Variants in USP48 observed in about 807,000 individuals in gnomAD.
USP48 encodes the protein ubiquitin carboxyl-terminal hydrolase 48.
USP48 carries 43 observed loss-of-function variants against 150.7 expected under a neutral mutation model. The observed-to-expected ratio is 0.29, with a 90% CI of 0.22 to 0.37. USP48 has a LOEUF of 0.37. USP48 is among the 10% of genes least tolerant of loss of function. USP48 has a pLI of 1.00. For missense variants in USP48, 813 were observed against 1,249.6 expected (o/e 0.65, Z 5.27); for synonymous variants, 396 against 425.9 (o/e 0.93, Z 0.86).
At chr1:21,683,224 C>T (rs975366138) in intron 25 of USP48, among the ~76,000 whole-genome samples, 128 of 152,144 alleles carry the variant, frequency 8.4e-4, no homozygotes, top group African/African-American at 2.9e-3. Context: ...TACTGCACTT[C>T]AGCCTTTTGA....
chr1:21,690,129 T>C (rs762171255), intron 23 of USP48, 30 bp from the exon 24 acceptor site: 4 of 1,598,526 alleles, frequency 2.5e-6, no homozygotes, highest in Non-Finnish European at 3.4e-6. Context: ...AGAAAGTCCG[T>C]ATAATGCAAA....
At chr1:21,693,408 G>A (rs2152502951) in intron 23 of USP48, among the ~76,000 whole-genome samples, 1 of 152,242 alleles carries the variant, frequency 6.6e-6, no homozygotes, top group Middle Eastern at 3.4e-3. Context: ...TGTAGTGAGG[G>A]GAAAGACCTT....
rs2097918326 is a variant in USP48 at position 21,782,965 on chromosome 1, GC to G, written c.-9del. 1.9e-5 allele frequency: 29 copies of G among 1,531,482 alleles called. No individual in the cohort carries two copies. The highest frequency in any genetic ancestry group is 2.4e-5 in the Non-Finnish European group (28 of 1,143,136). The allele number at this position is 1,531,482 out of a possible 1,614,324, so 94.9% of individuals were successfully genotyped here. ...CTGCAGCCGCGGGGCCATGGCCTTG[GC>G]CCCAGGAACGCCTCCCGAGCCAGAC... On this transcript the variant is annotated 5_prime_UTR_variant, in exon 1 of 27. Coordinates refer to ENST00000308271, the MANE Select transcript of USP48 (RefSeq NM_032236.8).
Position 21,777,542 on chromosome 1 carries a change from T to C in USP48, c.134+5282A>G, listed in dbSNP as rs116514055. On this transcript the variant is annotated intron_variant, in intron 1 of 26. Coordinates refer to ENST00000308271, the MANE Select transcript of USP48 (RefSeq NM_032236.8). Reference sequence around the variant, plus strand: ...AATTAGCTGGGTGTGGTGGTACAACTTGCAGTTGTACCTACTGGGGATGTT... The same window carrying C: ...AATTAGCTGGGTGTGGTGGTACAACCTGCAGTTGTACCTACTGGGGATGTT... 4.6e-3 allele frequency among the ~76,000 whole-genome samples: 702 copies of C among 152,056 alleles called. 5 individuals are homozygous for C. Among genetic ancestry groups the C allele is most frequent in the African/African-American group, 0.016 (653 of 41,470 alleles).
At chr1:21,691,415 C>A (rs1026493379) in intron 23 of USP48, among the ~76,000 whole-genome samples, 4 of 152,024 alleles carry the variant, frequency 2.6e-5, no homozygotes, top group African/African-American at 9.7e-5. Context: ...AGGTGGATCA[C>A]CTGAGGTCAG....
chr1:21,753,764 T>G (rs1014165740), intron 3 of USP48, among the ~76,000 whole-genome samples: 1 of 144,294 alleles, frequency 6.9e-6, no homozygotes. Context: ...GAGGTGGAGG[T>G]TGTGGTGAGC....
intron 24 of USP48, among the ~76,000 whole-genome samples, chr1:21,688,028 C>G (rs1451025386): frequency 6.6e-6 from 1 of 152,002 alleles, no homozygotes; most frequent in Admixed American, 6.6e-5. Context: ...AACGGGGGCT[C>G]CAAGGTTTGA....
chr1:21,679,003 G>C lies in USP48; in HGVS notation c.*414C>G, dbSNP rs1321369041. 7.8e-6 allele frequency: 2 copies of C among 257,934 alleles called. No homozygotes were observed. The highest frequency in any genetic ancestry group is 1.5e-5 in the Non-Finnish European group (2 of 134,736). The allele number at this position is 257,934 out of a possible 1,614,324, so 16.0% of individuals were successfully genotyped here. On this transcript the variant is annotated 3_prime_UTR_variant, in exon 27 of 27. Coordinates refer to ENST00000308271, the MANE Select transcript of USP48 (RefSeq NM_032236.8). ...CTAAAATTACTTTTCGTTCAGAGCAGAATGTTGTCCCATCTACTTGATACA... is the reference window on the plus strand; with the variant it reads ...CTAAAATTACTTTTCGTTCAGAGCACAATGTTGTCCCATCTACTTGATACA...
At chr1:21,767,265 C>T (rs1176923365) in intron 1 of USP48, among the ~76,000 whole-genome samples, 1 of 152,110 alleles carries the variant, frequency 6.6e-6, no homozygotes, top group Non-Finnish European at 1.5e-5. Context: ...GCAAGCTGGG[C>T]TAGAATTCCT....
intron 1 of USP48, among the ~76,000 whole-genome samples, chr1:21,759,155 C>A (rs1333582738): frequency 7.4e-6 from 1 of 135,066 alleles, no homozygotes; most frequent in Non-Finnish European, 1.5e-5. Flanking sequence ...GCACTCCAGC[C>A]TGGGCAACAG....
intron 23 of USP48, among the ~76,000 whole-genome samples, chr1:21,691,701 A>T (rs533848216): frequency 6.6e-6 from 1 of 152,326 alleles, no homozygotes; most frequent in South Asian, 2.1e-4. Context: ...TTACAAATTC[A>T]GAAAGGTTTG....
chr1:21,704,142 C>T (rs1013097267), intron 20 of USP48, 120 bp downstream of exon 20: 1 of 1,124,028 alleles, frequency 8.9e-7, no homozygotes, highest in African/African-American at 1.6e-5. Flanking sequence ...TGAGAGTTTC[C>T]ACCTAGGGAG....
intron 1 of USP48, among the ~76,000 whole-genome samples, chr1:21,781,354 G>C (rs1219255390): frequency 2.0e-5 from 3 of 152,106 alleles, no homozygotes; most frequent in Non-Finnish European, 2.9e-5. Flanking sequence ...CAGGAGAATC[G>C]CTTGAACCAA....
At chr1:21,736,840 T>C (rs934073288) in intron 8 of USP48, among the ~76,000 whole-genome samples, 1 of 152,150 alleles carries the variant, frequency 6.6e-6, no homozygotes, top group Admixed American at 6.6e-5. Flanking sequence ...GTATTAATTC[T>C]CCAAGCCTCT....
chr1:21,748,439 G>A (rs1368712765), intron 6 of USP48, among the ~76,000 whole-genome samples, 168 bp from the exon 7 acceptor site: 1 of 152,200 alleles, frequency 6.6e-6, no homozygotes, highest in Non-Finnish European at 1.5e-5. Context: ...GAACTGTTCA[G>A]CAGTGACATT....
At chr1:21,712,539 G>A (rs2097692997) in intron 15 of USP48, among the ~76,000 whole-genome samples, 2 of 152,118 alleles carry the variant, frequency 1.3e-5, no homozygotes, top group East Asian at 3.9e-4. Context: ...TCTAAGTAAG[G>A]CTGGGTATCC....
At chr1:21,773,875 CACCTGTAATCCCAGCA>C (rs2097889524) in intron 1 of USP48, among the ~76,000 whole-genome samples, 1 of 152,108 alleles carries the variant, frequency 6.6e-6, no homozygotes, top group Non-Finnish European at 1.5e-5. Context: ...CAGTGGCTCA[CACCTGTAATCCCAGCA>C]CTTTGGGAGG....
intron 11 of USP48, among the ~76,000 whole-genome samples, chr1:21,727,365 A>G (rs925247690): frequency 6.6e-6 from 1 of 152,238 alleles, no homozygotes; most frequent in Non-Finnish European, 1.5e-5. Context: ...CTAAGAACAT[A>G]AGCATATTCT....
chr1:21,765,398 T>C (rs558704841), intron 1 of USP48, among the ~76,000 whole-genome samples: 75 of 152,114 alleles, frequency 4.9e-4, no homozygotes, highest in Non-Finnish European at 8.8e-5. Flanking sequence ...GGCGGATCAC[T>C]TGAGGTCAGG....
Sources: gnomAD v4.1 joint callset for allele counts (sites outside exome capture counted in the v4.1 genomes callset) on GRCh38, gnomAD v4.1.1 for gene constraint, MANE v1.5 for transcripts, NCBI Gene and HGNC (gene_info 2026-07-23, HGNC 2026-07-21) for gene names.